ARID1B: variants seen among roughly 807,000 people sequenced by gnomAD.
ARID1B encodes the protein AT-rich interaction domain 1B.
A neutral mutation model predicts 212.3 loss-of-function variants in ARID1B; 30 were observed. The ratio of observed to expected loss-of-function variants is 0.14; its 90% CI spans 0.11 to 0.19. The LOEUF is 0.19. Among genes scored for constraint, ARID1B ranks in the 10% least tolerant of loss-of-function variants. ARID1B has a pLI of 1.00. For synonymous variants in ARID1B, 1,402 were observed against 1,301.7 expected (o/e 1.08, Z -1.66); for missense variants, 2,891 against 3,204.0 (o/e 0.90, Z 2.36).
intron 1 of ARID1B, among the ~76,000 whole-genome samples, chr6:156,810,926 G>A (rs2127984049): frequency 6.6e-6 from 1 of 152,304 alleles, no homozygotes; most frequent in African/African-American, 2.4e-5. Context: ...AGTTTCTGGA[G>A]GTTAGGAGTC....
intron 5 of ARID1B, among the ~76,000 whole-genome samples, chr6:157,095,526 T>C (rs547765426): frequency 9.8e-5 from 15 of 152,332 alleles, no homozygotes; most frequent in African/African-American, 3.6e-4. Context: ...AACTTAGCAC[T>C]TCCCCAGTGC....
At chr6:157,048,562 T>C (rs1014256811) in intron 4 of ARID1B, among the ~76,000 whole-genome samples, 3 of 152,256 alleles carry the variant, frequency 2.0e-5, no homozygotes, top group African/African-American at 4.8e-5. Context: ...CTCTGGTCTT[T>C]TAACAGTTGG....
At chr6:156,912,762 A>G (rs1424382329) in intron 3 of ARID1B, among the ~76,000 whole-genome samples, 3 of 152,188 alleles carry the variant, frequency 2.0e-5, no homozygotes, top group African/African-American at 7.2e-5. Context: ...TTCCTCTGGA[A>G]GGCTGCTCTG....
intron 4 of ARID1B, among the ~76,000 whole-genome samples, chr6:156,970,185 A>T (rs759265966): frequency 1.2e-4 from 19 of 152,008 alleles, no homozygotes; most frequent in South Asian, 2.1e-4. Flanking sequence ...GGTTCAAGCA[A>T]TTCTCCTGCC....
intron 5 of ARID1B, among the ~76,000 whole-genome samples, chr6:157,105,998 C>T (rs1213660267): frequency 2.6e-5 from 4 of 152,178 alleles, no homozygotes; most frequent in Non-Finnish European, 2.9e-5. Flanking sequence ...TAAATTGGTA[C>T]AAAGTTTCTA....
chr6:156,902,413 A>C (rs1423827036), intron 3 of ARID1B, among the ~76,000 whole-genome samples: 1 of 152,172 alleles, frequency 6.6e-6, no homozygotes, highest in Non-Finnish European at 1.5e-5. Flanking sequence ...TCTTTAAAGG[A>C]CTTCTTTTGT....
intron 4 of ARID1B, among the ~76,000 whole-genome samples, chr6:156,997,811 T>G (rs1250328104): frequency 1.3e-5 from 2 of 152,234 alleles, no homozygotes; most frequent in Non-Finnish European, 2.9e-5. Context: ...CGTGAAACTC[T>G]GTATACATAT....
At chr6:156,854,669 C>T (rs1037217225) in intron 2 of ARID1B, among the ~76,000 whole-genome samples, 3 of 152,256 alleles carry the variant, frequency 2.0e-5, no homozygotes, top group Non-Finnish European at 2.9e-5. Flanking sequence ...GCACCCATCC[C>T]GGCCATCCTG....
intron 3 of ARID1B, among the ~76,000 whole-genome samples, chr6:156,912,254 C>CTTTTTTTTTTTTTTTT (rs34051264): frequency 3.9e-5 from 5 of 126,600 alleles, no homozygotes; most frequent in African/African-American, 2.8e-5. Context: ...AATCAAACCT[C>CTTTTTTTTTTTTTTTT]TTTTTTTTTT....
intron 2 of ARID1B, among the ~76,000 whole-genome samples, chr6:156,830,493 T>C (rs1783071626): frequency 6.6e-6 from 1 of 152,244 alleles, no homozygotes; most frequent in South Asian, 2.1e-4. Flanking sequence ...CATAGCTGTA[T>C]ATTAACAGTT....
In ARID1B at chr6:156,791,465, C is replaced by T. The variant is rs113274008; in HGVS notation, c.1791+11994C>T. Among the ~76,000 whole-genome samples the T allele has an allele frequency of 5.9e-5, 9 of 152,354 alleles. 1 individual carries two copies. Among genetic ancestry groups the T allele is most frequent in the African/African-American group, 2.2e-4 (9 of 41,586 alleles). On this transcript the variant is annotated intron_variant, in intron 1 of 19. Transcript: ENST00000636930. ...CATGCCAAGATGTTTAAGACAACCCCTTACGTGAGCTGTTCCATTCTTAAC... is the reference window on the plus strand; with the variant it reads ...CATGCCAAGATGTTTAAGACAACCCTTTACGTGAGCTGTTCCATTCTTAAC...
chr6:157,044,362 T>G, intron 4 of ARID1B, among the ~76,000 whole-genome samples: 1 of 152,224 alleles, frequency 6.6e-6, no homozygotes, highest in East Asian at 1.9e-4. Flanking sequence ...GCTTTCTGTC[T>G]TTTGACATCT....
At chr6:156,911,895 A>C (rs930771276) in intron 3 of ARID1B, among the ~76,000 whole-genome samples, 2 of 152,192 alleles carry the variant, frequency 1.3e-5, no homozygotes, top group African/African-American at 4.8e-5. Flanking sequence ...ATAGAAATGA[A>C]AGTATAGAAG....
chr6:157,146,610 G>GCA lies in ARID1B; in HGVS notation c.2762-2001_2762-2000dup, dbSNP rs138347105. On this transcript the variant is annotated intron_variant, in intron 7 of 19. Transcript: ENST00000636930. ...TTGTTTTCACCCTTGCTGCTTTACT[G>GCA]CACACACACACACATGCATACCCAT... Among the ~76,000 whole-genome samples the GCA allele has an allele frequency of 2.3e-3, 343 of 151,902 alleles. 4 individuals are homozygous for GCA. The highest frequency in any genetic ancestry group is 7.5e-3 in the African/African-American group (311 of 41,368).
At chr6:157,107,698 A>G (rs557074070) in intron 5 of ARID1B, 5 of 152,326 alleles carry the variant, frequency 3.3e-5, no homozygotes, top group South Asian at 2.1e-4. Flanking sequence ...TGCTGAGGAA[A>G]GAACACGGGG....
At chr6:156,988,851 T>C (rs1435664754) in intron 4 of ARID1B, among the ~76,000 whole-genome samples, 1 of 152,234 alleles carries the variant, frequency 6.6e-6, no homozygotes, top group African/African-American at 2.4e-5. Context: ...TCCTTACCTG[T>C]AACCTGGATT....
At chr6:157,182,531 G>A (rs746182753) in intron 12 of ARID1B, among the ~76,000 whole-genome samples, 6 of 152,142 alleles carry the variant, frequency 3.9e-5, no homozygotes, top group Non-Finnish European at 8.8e-5. Context: ...GGTGGCGGGG[G>A]TCACTAACTA....
chr6:156,786,946 C>CTT (rs373597720), intron 1 of ARID1B, among the ~76,000 whole-genome samples: 381 of 128,862 alleles, frequency 3.0e-3, no homozygotes, highest in African/African-American at 7.2e-3. Flanking sequence ...ATTTGGCCTG[C>CTT]TTTTTTTTTT....
chr6:157,162,142 T>C (rs921782597), intron 8 of ARID1B, among the ~76,000 whole-genome samples: 19 of 152,222 alleles, frequency 1.2e-4, no homozygotes, highest in Non-Finnish European at 2.5e-4. Context: ...TCTGTCACTG[T>C]TGAGAAAATA....
Sources: allele counts gnomAD v4.1 joint callset (sites outside exome capture counted in the v4.1 genomes callset), GRCh38; gene constraint gnomAD v4.1.1; transcripts MANE v1.5; gene names NCBI Gene and HGNC (gene_info 2026-07-23, HGNC 2026-07-21).